The following PPP3CA variants were observed in gnomAD, a reference collection of about 807,000 sequenced individuals.
PPP3CA encodes the protein protein phosphatase 3 catalytic subunit alpha, also known as CAM-PRP catalytic subunit.
Under a neutral mutation model 66.5 loss-of-function variants are expected in PPP3CA, and 14 were observed. The ratio of observed to expected loss-of-function variants is 0.21; its 90% CI spans 0.14 to 0.33. PPP3CA has a LOEUF of 0.33. Among genes scored for constraint, PPP3CA ranks in the 10% least tolerant of loss-of-function variants. PPP3CA has a pLI of 1.00. For synonymous variants in PPP3CA, 232 were observed against 226.2 expected (o/e 1.03, Z -0.23); for missense variants, 317 against 639.5 (o/e 0.50, Z 5.44).
rs138962489 is a variant in PPP3CA, at chr4:101,249,901, C to G, written c.59-53785G>C. 5.7e-3 allele frequency among the ~76,000 whole-genome samples: 872 copies of G among 152,108 alleles called. 9 individuals carry two copies. The highest frequency in any genetic ancestry group is 0.015 in the South Asian group (72 of 4,818). On this transcript the variant is annotated intron_variant, in intron 1 of 13. Transcript: ENST00000394854. ...ACATTTACAACATAATACAAAATAG[C>G]AAACTAATTTTCTAGTGAATTTTTC...
At chr4:101,026,742 A>T in intron 13 of PPP3CA, among the ~76,000 whole-genome samples, 1 of 152,170 alleles carries the variant, frequency 6.6e-6, no homozygotes. Context: ...AAAAAAAAAA[A>T]TCAAGATAAG....
chr4:101,075,110 T>G (rs995392877), intron 8 of PPP3CA, among the ~76,000 whole-genome samples: 5 of 152,320 alleles, frequency 3.3e-5, no homozygotes, highest in African/African-American at 4.8e-5. Context: ...GGGAAACCAC[T>G]TCCATGATTC....
chr4:101,036,618 T>C (rs766827439), intron 11 of PPP3CA, among the ~76,000 whole-genome samples: 8 of 152,334 alleles, frequency 5.3e-5, no homozygotes, highest in Non-Finnish European at 8.8e-5. Context: ...TTCACCATGT[T>C]AGCCAGGATG....
At chr4:101,161,008 T>C (rs1336670734) in intron 2 of PPP3CA, among the ~76,000 whole-genome samples, 1 of 152,156 alleles carries the variant, frequency 6.6e-6, no homozygotes, top group Non-Finnish European at 1.5e-5. Context: ...ACATGCTGCC[T>C]ACATGATGGT....
chr4:101,263,350 T>C (rs1405676494), intron 1 of PPP3CA, among the ~76,000 whole-genome samples: 1 of 152,170 alleles, frequency 6.6e-6, no homozygotes, highest in African/African-American at 2.4e-5. Context: ...TAAATCAGAA[T>C]TTCTAAGAGT....
At chr4:101,157,866 C>CAAAA (rs770632810) in intron 2 of PPP3CA, among the ~76,000 whole-genome samples, 10 of 48,830 alleles carry the variant, frequency 2.0e-4, no homozygotes, top group African/African-American at 3.1e-4. Context: ...CCTTAGGAGG[C>CAAAA]AAAAAAAAAA....
At chr4:101,132,941 C>T (rs1722496391) in intron 2 of PPP3CA, among the ~76,000 whole-genome samples, 1 of 152,184 alleles carries the variant, frequency 6.6e-6, no homozygotes, top group Non-Finnish European at 1.5e-5. Context: ...AAGGCTGGTT[C>T]AACATACGCA....
intron 2 of PPP3CA, among the ~76,000 whole-genome samples, chr4:101,139,216 A>G (rs1031643617): frequency 2.0e-5 from 3 of 151,910 alleles, no homozygotes; most frequent in Admixed American, 2.0e-4. Flanking sequence ...GTGTGGTGGC[A>G]GGCACCTGTA....
intron 2 of PPP3CA, among the ~76,000 whole-genome samples, chr4:101,138,724 G>T (rs1005262822): frequency 6.6e-6 from 1 of 152,056 alleles, no homozygotes; most frequent in Non-Finnish European, 1.5e-5. Flanking sequence ...ACTCTTATTT[G>T]TCTGAAATCT....
intron 12 of PPP3CA, among the ~76,000 whole-genome samples, chr4:101,031,145 T>A (rs1187380206): frequency 6.6e-6 from 1 of 152,158 alleles, no homozygotes; most frequent in Non-Finnish European, 1.5e-5. Flanking sequence ...GCAGCCATGA[T>A]GTGATCATTC....
At chr4:101,100,397 T>C (rs1560601598) in intron 3 of PPP3CA, among the ~76,000 whole-genome samples, 1 of 152,122 alleles carries the variant, frequency 6.6e-6, no homozygotes, top group African/African-American at 2.4e-5. Flanking sequence ...GAAGTGACCT[T>C]ATTTTACTTA....
intron 6 of PPP3CA, among the ~76,000 whole-genome samples, chr4:101,087,956 C>T (rs1271997219): frequency 1.3e-5 from 2 of 152,076 alleles, no homozygotes; most frequent in African/African-American, 4.8e-5. Context: ...TTCATGATGC[C>T]GCTTTCCCCG....
rs1394197984 is a variant in PPP3CA at position 101,139,737 on chromosome 4, G to A, written c.260-30659C>T. On this transcript the variant is annotated intron_variant, in intron 2 of 13. Transcript: ENST00000394854. ...TTTTTTGTCGTTGTTGCTGTTTGTT[G>A]GGTTTGCTTGTGTGCTTTTGTCCTG... is the stretch of plus-strand genomic sequence containing the variant. Among the ~76,000 whole-genome samples, 3 of 94,324 alleles carry A rather than the reference G, an allele frequency of 3.2e-5. No homozygotes were observed. The South Asian group carries it at 1.1e-3, about 35-fold the overall frequency. The allele number at this position is 94,324 out of a possible 152,430, so 61.9% of individuals were successfully genotyped here.
Position 101,332,530 on chromosome 4 carries a change from C to T in PPP3CA, c.58+14209G>A, listed in dbSNP as rs148106597. ...TAGGGCCCCCCAAATGACTGTACAA[C>T]GGATTTGACAGTGGATAGGAGGTGA... On this transcript the variant is annotated intron_variant, in intron 1 of 13. Coordinates refer to ENST00000394854, the MANE Select transcript of PPP3CA (RefSeq NM_000944.5). Among the ~76,000 whole-genome samples the T allele has an allele frequency of 1.8e-3, 276 of 152,210 alleles. 2 individuals are homozygous for T. The highest frequency in any genetic ancestry group is 3.3e-3 in the Non-Finnish European group (222 of 68,004).
intron 1 of PPP3CA, among the ~76,000 whole-genome samples, chr4:101,291,018 G>GT (rs1292646103): frequency 3.3e-5 from 5 of 152,170 alleles, no homozygotes; most frequent in Admixed American, 1.3e-4. Flanking sequence ...CGAAGCCATC[G>GT]TAAGTAGGAA....
intron 1 of PPP3CA, among the ~76,000 whole-genome samples, chr4:101,279,767 G>C (rs1202727971): frequency 1.3e-5 from 2 of 152,272 alleles, no homozygotes; most frequent in African/African-American, 4.8e-5. Flanking sequence ...CTGAAAGAGG[G>C]AAGAGCCAAG....
At chr4:101,321,415 T>C (rs1206785265) in intron 1 of PPP3CA, among the ~76,000 whole-genome samples, 1 of 152,208 alleles carries the variant, frequency 6.6e-6, no homozygotes, top group Non-Finnish European at 1.5e-5. Flanking sequence ...TACTGCAGCA[T>C]GCAATATTAC....
chr4:101,308,595 A>AC (rs1728621259), intron 1 of PPP3CA, among the ~76,000 whole-genome samples: 2 of 152,028 alleles, frequency 1.3e-5, no homozygotes, highest in Admixed American at 1.3e-4. Flanking sequence ...ACAGGCACCC[A>AC]CCACCATACC....
At chr4:101,202,123 T>C (rs1724984111) in intron 1 of PPP3CA, among the ~76,000 whole-genome samples, 1 of 152,210 alleles carries the variant, frequency 6.6e-6, no homozygotes, top group Admixed American at 6.5e-5. Flanking sequence ...ATTGTGTCTC[T>C]CTATCCTAAG....
Sources: gnomAD v4.1 joint callset for allele counts (sites outside exome capture counted in the v4.1 genomes callset) on GRCh38, gnomAD v4.1.1 for gene constraint, MANE v1.5 for transcripts, NCBI Gene and HGNC (gene_info 2026-07-23, HGNC 2026-07-21) for gene names.